The following FRMD4B variants were observed in gnomAD, a reference collection of about 807,000 sequenced individuals.
FRMD4B encodes the protein FERM domain containing 4B.
A neutral mutation model predicts 141.5 loss-of-function variants in FRMD4B; 74 were observed. The observed-to-expected ratio is 0.52, with a 90% CI of 0.43 to 0.63. The LOEUF (loss-of-function observed/expected upper bound fraction) is 0.63, where lower values mean the gene tolerates loss of function less well. Among genes scored for constraint, FRMD4B ranks in the 30% least tolerant of loss-of-function variants. FRMD4B has a pLI of 0.00. For missense variants in FRMD4B, 1,366 were observed against 1,253.4 expected (o/e 1.09, Z -1.36); for synonymous variants, 506 against 467.9 (o/e 1.08, Z -1.05).
chr3:69,277,512 T>C (rs112049405), intron 5 of FRMD4B, among the ~76,000 whole-genome samples: 4,874 of 140,602 alleles, frequency 0.035, 124 homozygotes, highest in East Asian at 0.11. Context: ...TTGCTTTCTT[T>C]CTGCTTTTTT....
At chr3:69,246,343 CCACT>C (rs2093425532) in intron 7 of FRMD4B, among the ~76,000 whole-genome samples, 1 of 152,038 alleles carries the variant, frequency 6.6e-6, no homozygotes, top group South Asian at 2.1e-4. Context: ...GTAGTCCCAG[CCACT>C]CAGGAGGCTG....
intron 2 of FRMD4B, among the ~76,000 whole-genome samples, chr3:69,396,937 CA>C (rs1704483111): frequency 6.6e-6 from 1 of 152,136 alleles, no homozygotes. Context: ...ATACGTTTAT[CA>C]GCTGATAAAC....
At chr3:69,207,307 T>TAAAAA (rs11389016) in intron 11 of FRMD4B, among the ~76,000 whole-genome samples, 1 of 136,908 alleles carries the variant, frequency 7.3e-6, no homozygotes, top group East Asian at 2.1e-4. Context: ...CCTATGTCTT[T>TAAAAA]AAAAAAAAAA....
At chr3:69,292,734 C>T (rs957693625) in intron 4 of FRMD4B, among the ~76,000 whole-genome samples, 1 of 151,468 alleles carries the variant, frequency 6.6e-6, no homozygotes, top group Non-Finnish European at 1.5e-5. Context: ...TCAACACAAA[C>T]CATGAACTGA....
intron 1 of FRMD4B, among the ~76,000 whole-genome samples, chr3:69,494,558 A>C (rs889155560): frequency 6.6e-6 from 1 of 152,158 alleles, no homozygotes; most frequent in Admixed American, 6.6e-5. Flanking sequence ...CACATGTGGG[A>C]AGAGGGGTGG....
At chr3:69,189,724 G>C (rs548018346) in intron 18 of FRMD4B, among the ~76,000 whole-genome samples, 172 bp downstream of exon 18, 2 of 152,302 alleles carry the variant, frequency 1.3e-5, no homozygotes, top group East Asian at 3.9e-4. Context: ...GAGTTAACCT[G>C]AGTAGGTGTT....
intron 4 of FRMD4B, among the ~76,000 whole-genome samples, chr3:69,294,081 G>A (rs1038586051): frequency 6.6e-6 from 1 of 152,126 alleles, no homozygotes. Flanking sequence ...CGAGGTCCCA[G>A]TGGTATCTTC....
intron 1 of FRMD4B, among the ~76,000 whole-genome samples, chr3:69,448,662 A>G (rs376973700): frequency 1.8e-4 from 28 of 152,198 alleles, no homozygotes; most frequent in African/African-American, 6.8e-4. Flanking sequence ...GCTCATTTGT[A>G]TAACTTCTGC....
At chr3:69,472,925 CTTT>C (rs796453101) in intron 1 of FRMD4B, among the ~76,000 whole-genome samples, 2 of 90,916 alleles carry the variant, frequency 2.2e-5, no homozygotes, top group Non-Finnish European at 4.3e-5. Flanking sequence ...GTGAGTCTTT[CTTT>C]TTTTTTTTTC....
At chr3:69,536,652 G>T in intron 1 of FRMD4B, 1 of 981,558 alleles carries the variant, frequency 1.0e-6, no homozygotes. Context: ...TGTGGAAGTC[G>T]AGGAGAGTGA....
rs2092577563 is a variant in FRMD4B, at chr3:69,170,691, C to A, written c.*1170G>T. ...GAAATCATTTGCTTTAAAAAACAAA[C>A]AAACAAAACCCTACAATAAACCATA... On this transcript the variant is annotated 3_prime_UTR_variant, in exon 23 of 23. Transcript: ENST00000398540. The A allele has an allele frequency of 6.6e-6, 1 of 152,066 alleles. No individual in the cohort carries two copies. The highest frequency in any genetic ancestry group is 2.1e-4 in the South Asian group (1 of 4,822). 9.4% of individuals were successfully genotyped at this position (152,066 alleles called of 1,614,324 possible). A position where few individuals can be genotyped will look rare whatever the true frequency, so the allele number is the denominator to read the frequency against.
At chr3:69,385,787 C>A in intron 1 of FRMD4B, 41 bp downstream of exon 1, 1 of 1,474,740 alleles carries the variant, frequency 6.8e-7, no homozygotes, top group Non-Finnish European at 9.1e-7. Context: ...GAGTGCCCGG[C>A]ATCCTGCTGG....
intron 4 of FRMD4B, among the ~76,000 whole-genome samples, chr3:69,294,420 A>AT (rs1700975692): frequency 6.6e-6 from 1 of 152,230 alleles, no homozygotes; most frequent in South Asian, 2.1e-4. Flanking sequence ...GCAAGATATT[A>AT]TGCAGTGCTT....
At chr3:69,440,695 C>T (rs1705329628) in intron 1 of FRMD4B, among the ~76,000 whole-genome samples, 1 of 152,118 alleles carries the variant, frequency 6.6e-6, no homozygotes, top group Non-Finnish European at 1.5e-5. Context: ...GTAATCCCAG[C>T]TACTTGAGGG....
At chr3:69,429,747 CTTCT>C (rs1277848998) in intron 2 of FRMD4B, among the ~76,000 whole-genome samples, 1 of 129,264 alleles carries the variant, frequency 7.7e-6, no homozygotes, top group Non-Finnish European at 1.6e-5. Context: ...TTGGAGACCT[CTTCT>C]TTTTTTTTTT....
At chr3:69,207,432 C>T (rs2093033982) in intron 11 of FRMD4B, among the ~76,000 whole-genome samples, 1 of 151,888 alleles carries the variant, frequency 6.6e-6, no homozygotes, top group South Asian at 2.1e-4. Flanking sequence ...CTAGTCAATC[C>T]TATTTATGAG....
At position 69,404,833 on chromosome 3, in the gene FRMD4B, G is replaced by A. The variant is rs559071472; in HGVS notation, c.-1+27801C>T. Among the ~76,000 whole-genome samples, 10 of 152,318 alleles carry A rather than the reference G, an allele frequency of 6.6e-5. No individual in the cohort carries two copies. The South Asian group carries it at 1.0e-3, about 16-fold the overall frequency. On this transcript the variant is annotated intron_variant, in intron 2 of 5. Transcript: ENST00000459638. ...ACAGGAATGGAAAGAGGATGCAAGA[G>A]ATCTTGTTATACTCAGGTATGGTTA...
chr3:69,299,945 C>T (rs1443375408), intron 4 of FRMD4B, among the ~76,000 whole-genome samples: 2 of 152,062 alleles, frequency 1.3e-5, no homozygotes, highest in African/African-American at 2.4e-5. Context: ...TCCAGAGGCT[C>T]CTAAAATGAG....
intron 1 of FRMD4B, among the ~76,000 whole-genome samples, chr3:69,369,643 G>A (rs1350627390): frequency 1.3e-5 from 2 of 152,130 alleles, no homozygotes; most frequent in Admixed American, 1.3e-4. Flanking sequence ...GAATTTGAGA[G>A]CAAAATCTTA....
Sources: gnomAD v4.1 joint callset for allele counts (sites outside exome capture counted in the v4.1 genomes callset) on GRCh38, gnomAD v4.1.1 for gene constraint, MANE v1.5 for transcripts, NCBI Gene and HGNC (gene_info 2026-07-23, HGNC 2026-07-21) for gene names.